Variants in CCSER1 observed in about 807,000 individuals in gnomAD.
CCSER1 encodes the protein coiled-coil serine rich protein 1, also known as serine-rich coiled-coil domain-containing protein 1.
A neutral mutation model predicts 82.0 loss-of-function variants in CCSER1; 41 were observed. That is an observed-to-expected ratio of 0.50 (90% CI 0.39 to 0.65). The LOEUF is 0.65. Ranked by LOEUF, CCSER1 falls within the 30% of genes least tolerant of loss-of-function variation. The pLI is 0.00. For synonymous variants in CCSER1, 414 were observed against 383.9 expected, an observed-to-expected ratio of 1.08 and a Z score of -0.92; for missense variants, 1,119 against 1,064.2, an observed-to-expected ratio of 1.05 and a Z score of -0.72.
intron 10 of CCSER1, among the ~76,000 whole-genome samples, chr4:91,463,377 C>T (rs1344093979): frequency 2.0e-5 from 3 of 152,012 alleles, no homozygotes; most frequent in Non-Finnish European, 4.4e-5. Context: ...CATCAAAGAC[C>T]AAAGGTAGAT....
At chr4:90,224,494 A>C (rs1742759024) in intron 1 of CCSER1, among the ~76,000 whole-genome samples, 1 of 152,210 alleles carries the variant, frequency 6.6e-6, no homozygotes, top group South Asian at 2.1e-4. Flanking sequence ...TAGTTTGTTC[A>C]TCACCTGTGT....
chr4:90,890,053 C>A (rs530878094), intron 8 of CCSER1, among the ~76,000 whole-genome samples: 1 of 152,168 alleles, frequency 6.6e-6, no homozygotes, highest in Non-Finnish European at 1.5e-5. Flanking sequence ...TAGCAAAAAT[C>A]TTTCTAGATT....
At chr4:90,503,804 A>T (rs1458528663) in intron 5 of CCSER1, among the ~76,000 whole-genome samples, 1 of 152,102 alleles carries the variant, frequency 6.6e-6, no homozygotes, top group Non-Finnish European at 1.5e-5. Flanking sequence ...TATTTCAGTT[A>T]TGGCTAATTT....
chr4:91,287,582 T>C (rs953564720), intron 10 of CCSER1, among the ~76,000 whole-genome samples: 6 of 151,990 alleles, frequency 3.9e-5, no homozygotes, highest in African/African-American at 1.4e-4. Flanking sequence ...GTAAGGTTGC[T>C]TCAAACCTGA....
At chr4:91,567,240 G>T (rs1355559421) in intron 10 of CCSER1, among the ~76,000 whole-genome samples, 1 of 152,076 alleles carries the variant, frequency 6.6e-6, no homozygotes, top group Non-Finnish European at 1.5e-5. Flanking sequence ...ACTATGATCT[G>T]AGAGTATGTT....
intron 10 of CCSER1, among the ~76,000 whole-genome samples, chr4:91,380,580 T>G (rs1395803613): frequency 6.6e-6 from 1 of 152,208 alleles, no homozygotes; most frequent in African/African-American, 2.4e-5. Context: ...CCTGCCTTTT[T>G]TTGTTTTCCG....
At chr4:90,622,041 A>C (rs1722415024) in intron 5 of CCSER1, among the ~76,000 whole-genome samples, 1 of 152,210 alleles carries the variant, frequency 6.6e-6, no homozygotes, top group Admixed American at 6.5e-5. Context: ...AATATGTTTT[A>C]AAATAAATGT....
chr4:90,714,670 C>T (rs1741301655), intron 6 of CCSER1, among the ~76,000 whole-genome samples: 2 of 151,840 alleles, frequency 1.3e-5, no homozygotes, highest in African/African-American at 2.4e-5. Flanking sequence ...CTTAAAGGTT[C>T]AAATAAATAT....
At chr4:91,279,926 T>C (rs1742781396) in intron 10 of CCSER1, among the ~76,000 whole-genome samples, 1 of 152,196 alleles carries the variant, frequency 6.6e-6, no homozygotes, top group Non-Finnish European at 1.5e-5. Context: ...TGAAGATGTA[T>C]CTGTGGTGTT....
At position 90,650,339 on chromosome 4, in the gene CCSER1, TG is replaced by T. The variant is rs370680736; in HGVS notation, c.1932+22108del. Among the ~76,000 whole-genome samples, 170 of 151,208 alleles carry T rather than the reference TG, an allele frequency of 1.1e-3. 1 individual carries two copies. The highest frequency in any genetic ancestry group is 3.9e-3 in the African/African-American group (162 of 41,204). On this transcript the variant is annotated intron_variant, in intron 6 of 10. Transcript: ENST00000509176. ...CATGTTTTCTGTAAAATAAGAATAA[TG>T]AAAAAAAAGAAAGCTTGTGGGATTC...
At chr4:91,583,927 G>C (rs867866609) in intron 10 of CCSER1, among the ~76,000 whole-genome samples, 3 of 151,330 alleles carry the variant, frequency 2.0e-5, no homozygotes, top group African/African-American at 7.3e-5. Context: ...TCTACAAAAT[G>C]ATGTTTTGAA....
At chr4:91,532,703 CA>C (rs11346458) in intron 10 of CCSER1, among the ~76,000 whole-genome samples, 37,771 of 151,576 alleles carry the variant, frequency 0.25, 4,819 homozygotes, top group Middle Eastern at 0.32. Context: ...CCATTCTCTA[CA>C]AAAAAATATG....
intron 9 of CCSER1, among the ~76,000 whole-genome samples, chr4:91,070,468 T>A (rs745922008): frequency 9.2e-5 from 14 of 152,324 alleles, no homozygotes; most frequent in Non-Finnish European, 1.6e-4. Flanking sequence ...AGAATTGTGC[T>A]CTTTGGCAGG....
At chr4:90,269,486 T>C (rs768496066) in intron 1 of CCSER1, among the ~76,000 whole-genome samples, 13 of 151,874 alleles carry the variant, frequency 8.6e-5, no homozygotes, top group Admixed American at 4.6e-4. Flanking sequence ...CTTGAAACAA[T>C]TGATAATGAA....
chr4:90,136,206 G>T (rs993343113), intron 1 of CCSER1, among the ~76,000 whole-genome samples: 2 of 152,046 alleles, frequency 1.3e-5, no homozygotes, highest in Non-Finnish European at 2.9e-5. Flanking sequence ...GTGTTTATTA[G>T]CTGGGTGTGG....
intron 1 of CCSER1, among the ~76,000 whole-genome samples, chr4:90,239,542 C>G (rs1056763462): frequency 6.6e-6 from 1 of 152,194 alleles, no homozygotes; most frequent in Non-Finnish European, 1.5e-5. Flanking sequence ...CACTCTGTCA[C>G]TTAGGCTGGA....
chr4:90,637,360 A>G (rs538813040), intron 6 of CCSER1, among the ~76,000 whole-genome samples: 1 of 152,178 alleles, frequency 6.6e-6, no homozygotes, highest in Non-Finnish European at 1.5e-5. Context: ...CAAAATGCAC[A>G]ATGTCTTTTG....
rs527951977 is a variant in CCSER1, at chr4:90,586,965, C to T, written c.1725-41060C>T. Among the ~76,000 whole-genome samples, 47 of 152,208 alleles carry T rather than the reference C, an allele frequency of 3.1e-4. 1 individual carries two copies. The South Asian group carries it at 8.9e-3, about 29-fold the overall frequency. Reference sequence around the variant, plus strand: ...AGATCTTCAGATAGGGTGATTATCCCGGATTACCTTCGTGGGCCTACCATA... The same window carrying T: ...AGATCTTCAGATAGGGTGATTATCCTGGATTACCTTCGTGGGCCTACCATA... On this transcript the variant is annotated intron_variant, in intron 5 of 10. Transcript: ENST00000509176.
At chr4:90,381,703 A>G (rs1749237313) in intron 3 of CCSER1, among the ~76,000 whole-genome samples, 1 of 152,114 alleles carries the variant, frequency 6.6e-6, no homozygotes, top group African/African-American at 2.4e-5. Context: ...AATAAATCTT[A>G]GTCCATAATC....
Sources: allele counts gnomAD v4.1 joint callset (sites outside exome capture counted in the v4.1 genomes callset), GRCh38; gene constraint gnomAD v4.1.1; transcripts MANE v1.5; gene names NCBI Gene and HGNC (gene_info 2026-07-23, HGNC 2026-07-21).